Variants in ERI1 observed in about 807,000 individuals in gnomAD.
The protein encoded by ERI1 is 3'-5' exoribonuclease 1.
ERI1 carries 39 observed loss-of-function variants against 39.7 expected under a neutral mutation model. The observed-to-expected ratio is 0.98, with a 90% confidence interval of 0.76 to 1.28. The LOEUF is 1.28. Among genes scored for constraint, ERI1 ranks in the 50% most tolerant of loss-of-function variants. The pLI, the probability that ERI1 is intolerant of heterozygous loss-of-function variation, is 0.00. For missense variants in ERI1, 581 were observed against 416.9 expected (o/e 1.39, Z -3.43); for synonymous variants, 204 against 149.6 (o/e 1.36, Z -2.65).
chr8:9,092,453 C>A (rs981788112), intron 3 of ERI1, among the ~76,000 whole-genome samples: 9 of 152,124 alleles, frequency 5.9e-5, no homozygotes, highest in African/African-American at 2.4e-5. Flanking sequence ...TTGTTTATAG[C>A]CACAAACTGG....
chr8:9,003,184 C>G lies in ERI1; in HGVS notation c.108+13C>G. On this transcript the variant is annotated intron_variant, in intron 1 of 6. Transcript: ENST00000250263. ...TCCCAGTCCCGAGGTGAGGAGTCGACCCGCGCCTGGCTGTTGGCGCCAGCT... is the reference window on the plus strand; with the variant it reads ...TCCCAGTCCCGAGGTGAGGAGTCGAGCCGCGCCTGGCTGTTGGCGCCAGCT... The G allele has an allele frequency of 8.1e-7, 1 of 1,237,802 alleles. No homozygotes were observed. The highest frequency in any genetic ancestry group is 1.0e-6 in the Non-Finnish European group (1 of 988,762). 76.7% of individuals were successfully genotyped at this position (1,237,802 alleles called of 1,614,324 possible).
At chr8:9,090,007 A>G (rs1269624566) in intron 3 of ERI1, among the ~76,000 whole-genome samples, 3 of 152,278 alleles carry the variant, frequency 2.0e-5, no homozygotes, top group Non-Finnish European at 4.4e-5. Context: ...GACGGCTGAG[A>G]TGATATCACA....
At chr8:9,039,833 A>C (rs548717380) in intron 3 of ERI1, among the ~76,000 whole-genome samples, 1 of 152,200 alleles carries the variant, frequency 6.6e-6, no homozygotes, top group Non-Finnish European at 1.5e-5. Context: ...TCATAAGATG[A>C]AGTAGATTCA....
chr8:9,096,477 C>T (rs1200138674), intron 3 of ERI1, among the ~76,000 whole-genome samples: 1 of 152,084 alleles, frequency 6.6e-6, no homozygotes, highest in Non-Finnish European at 1.5e-5. Context: ...TGGAGGTAGT[C>T]ACAGGAGAGG....
intron 3 of ERI1, among the ~76,000 whole-genome samples, chr8:9,092,536 T>A (rs1215746995): frequency 6.6e-6 from 1 of 152,212 alleles, no homozygotes; most frequent in Non-Finnish European, 1.5e-5. Flanking sequence ...ATAGGGAACA[T>A]CACTGAAGAT....
At position 9,033,072 on chromosome 8, in the gene ERI1, T is replaced by C. The variant is rs1402768876; in HGVS notation, c.*3038T>C. 6.6e-6 allele frequency: 1 copy of C among 152,206 alleles called. No individual in the cohort carries two copies. The highest frequency in any genetic ancestry group is 1.5e-5 in the Non-Finnish European group (1 of 68,040). The allele number at this position is 152,206 out of a possible 1,614,324, so 9.4% of individuals were successfully genotyped here. A position where few individuals can be genotyped will look rare whatever the true frequency, so the allele number is the denominator to read the frequency against. ...ACAGCATTACATCTTTTTTCTATTA[T>C]ACTTAGAAATTTCCTCTTTGTTCTG... On this transcript the variant is annotated 3_prime_UTR_variant, in exon 7 of 7. Transcript: ENST00000250263.
rs565863286 is a variant in ERI1 at position 9,044,199 on chromosome 8, A to T, written n.299+23735A>T. On this transcript the variant is annotated intron_variant and non_coding_transcript_variant, in intron 3 of 3. Transcript: ENST00000518663. ...AGAGTAAGATAAAACATCTTCAAAT[A>T]AAACATCTTCAAAATCCATCATGGT... Among the ~76,000 whole-genome samples the T allele has an allele frequency of 3.9e-5, 6 of 152,372 alleles. No homozygotes were observed. The East Asian group carries it at 9.6e-4, about 24-fold the overall frequency.
chr8:9,064,158 TC>T (rs1457485725), intron 3 of ERI1, among the ~76,000 whole-genome samples: 1 of 146,404 alleles, frequency 6.8e-6, no homozygotes, highest in African/African-American at 2.6e-5. Flanking sequence ...AGATAAGAGA[TC>T]GGGGCATGGA....
At chr8:9,079,239 A>G (rs6990464) in intron 3 of ERI1, among the ~76,000 whole-genome samples, 125,103 of 152,216 alleles carry the variant, frequency 0.82, 52,206 homozygotes, top group African/African-American at 0.94. Flanking sequence ...ATGGGGAGGA[A>G]TAGCAGATGT....
intron 3 of ERI1, among the ~76,000 whole-genome samples, chr8:9,064,241 T>A (rs1343749662): frequency 2.4e-4 from 1 of 4,164 alleles, no homozygotes; most frequent in Non-Finnish European, 5.1e-4. Flanking sequence ...AGAAGGGGGG[T>A]TGGGGGGGTT....
At chr8:9,099,079 C>T (rs1232763427) in intron 3 of ERI1, among the ~76,000 whole-genome samples, 3 of 152,152 alleles carry the variant, frequency 2.0e-5, no homozygotes, top group Admixed American at 1.3e-4. Context: ...AAATGATCCA[C>T]CTGCCTCAGC....
chr8:9,048,207 G>A (rs141741930), intron 3 of ERI1, among the ~76,000 whole-genome samples: 33 of 152,342 alleles, frequency 2.2e-4, no homozygotes, highest in African/African-American at 7.5e-4. Flanking sequence ...CAGCGCAGAC[G>A]CTGGGCTGTC....
intron 3 of ERI1, among the ~76,000 whole-genome samples, chr8:9,090,499 C>T (rs189847175): frequency 1.3e-5 from 2 of 152,202 alleles, no homozygotes; most frequent in African/African-American, 2.4e-5. Context: ...TCTACATGAC[C>T]AGGAGTGGAA....
chr8:9,004,635 A>T (rs1013600528), intron 1 of ERI1, among the ~76,000 whole-genome samples: 1 of 151,162 alleles, frequency 6.6e-6, no homozygotes, highest in African/African-American at 2.4e-5. Flanking sequence ...CTGCACTCCA[A>T]CCTGGGTGAC....
intron 3 of ERI1, chr8:9,088,383 AT>A (rs1799593174): frequency 1.3e-5 from 2 of 152,170 alleles, no homozygotes; most frequent in Non-Finnish European, 2.9e-5. Context: ...TGTCGCTGAA[AT>A]TGCATTTACG....
intron 3 of ERI1, among the ~76,000 whole-genome samples, chr8:9,071,725 G>T (rs1799057746): frequency 1.3e-5 from 2 of 152,122 alleles, no homozygotes; most frequent in African/African-American, 4.8e-5. Flanking sequence ...TCACACCTTT[G>T]GTTTTTGAGC....
At chr8:9,083,134 G>C (rs1799419534) in intron 3 of ERI1, among the ~76,000 whole-genome samples, 1 of 152,184 alleles carries the variant, frequency 6.6e-6, no homozygotes, top group Admixed American at 6.5e-5. Flanking sequence ...CAGCCAAACA[G>C]AGCTTTTATC....
At chr8:9,023,432 C>T (rs1378485617) in intron 6 of ERI1, among the ~76,000 whole-genome samples, 1 of 152,076 alleles carries the variant, frequency 6.6e-6, no homozygotes, top group Admixed American at 6.6e-5. Context: ...AAATAATTTT[C>T]AGTCAGTTAT....
At chr8:9,077,210 G>T (rs6997088) in intron 3 of ERI1, among the ~76,000 whole-genome samples, 41,002 of 152,068 alleles carry the variant, frequency 0.27, 5,725 homozygotes, top group African/African-American at 0.3. Context: ...ATGTTCTCCA[G>T]TTCTTAAATG....
Sources: gnomAD v4.1 joint callset for allele counts (sites outside exome capture counted in the v4.1 genomes callset) on GRCh38, gnomAD v4.1.1 for gene constraint, MANE v1.5 for transcripts, NCBI Gene and HGNC (gene_info 2026-07-23, HGNC 2026-07-21) for gene names.